Variants in DRC1 observed in about 807,000 individuals in gnomAD.
DRC1 encodes the protein dynein regulatory complex subunit 1.
In DRC1, 74 loss-of-function variants were observed where a neutral mutation model predicts 98.7. The ratio of observed to expected loss-of-function variants is 0.75; its 90% CI spans 0.62 to 0.91. The LOEUF is 0.91. Among genes scored for constraint, DRC1 ranks in the 40% least tolerant of loss-of-function variants. The probability of loss-of-function intolerance (pLI) is 0.00; values close to 1 mark genes in which losing one functional copy is unlikely to be tolerated. For synonymous variants in DRC1, 336 were observed against 334.1 expected, an observed-to-expected ratio of 1.01 and a Z score of -0.06; for missense variants, 875 against 886.0, an observed-to-expected ratio of 0.99 and a Z score of 0.16.
chr2:26,418,646 AT>A (rs1678920737), intron 2 of DRC1, among the ~76,000 whole-genome samples: 2 of 93,646 alleles, frequency 2.1e-5, no homozygotes, highest in African/African-American at 9.6e-5. Flanking sequence ...AATTTATATA[AT>A]ATATAAATTA....
chr2:26,405,978 T>C (rs550241422), intron 1 of DRC1, among the ~76,000 whole-genome samples: 1 of 152,100 alleles, frequency 6.6e-6, no homozygotes, highest in Non-Finnish European at 1.5e-5. Context: ...TTATTAGTGG[T>C]TGGGGCCGCG....
chr2:26,433,313 G>T (rs946609597), intron 7 of DRC1, among the ~76,000 whole-genome samples: 1 of 152,162 alleles, frequency 6.6e-6, no homozygotes, highest in African/African-American at 2.4e-5. Flanking sequence ...GCTTTTCCAC[G>T]AAGCTTTTGT....
chr2:26,425,281 C>T (rs115152480), intron 4 of DRC1, among the ~76,000 whole-genome samples: 3,590 of 152,278 alleles, frequency 0.024, 138 homozygotes, highest in African/African-American at 0.08. Flanking sequence ...CGTAGTATTT[C>T]ATTGCATATA....
At chr2:26,417,388 G>T (rs991328403) in intron 2 of DRC1, among the ~76,000 whole-genome samples, 4 of 151,532 alleles carry the variant, frequency 2.6e-5, no homozygotes, top group African/African-American at 9.7e-5. Context: ...GGGTGCAGTG[G>T]CACAATCTTG....
intron 13 of DRC1, among the ~76,000 whole-genome samples, chr2:26,451,460 A>G (rs1009965113): frequency 2.0e-5 from 3 of 152,260 alleles, no homozygotes; most frequent in Admixed American, 6.5e-5. Context: ...AAAAATGTGA[A>G]TGAAAAATGT....
intron 11 of DRC1, 104 bp from the exon 12 acceptor site, chr2:26,449,892 C>A (rs879076806): frequency 1.9e-6 from 2 of 1,029,546 alleles, no homozygotes; most frequent in South Asian, 3.0e-5. Flanking sequence ...GGCGTCTGCT[C>A]CGTGGCATGG....
At position 26,454,935 on chromosome 2, in the gene DRC1, G is replaced by A; in HGVS notation, c.2063+145G>A. 6.9e-7 allele frequency: 1 copy of A among 1,442,276 alleles called. No individual in the cohort carries two copies. The highest frequency in any genetic ancestry group is 9.5e-7 in the Non-Finnish European group (1 of 1,048,996). The allele number at this position is 1,442,276 out of a possible 1,614,324, so 89.3% of individuals were successfully genotyped here. Reference sequence around the variant, plus strand: ...GGCATCTCCTGTGTGGGTGGATCATGTGGGGCAGTTGGCTCTTGGGCCCTG... The same window carrying A: ...GGCATCTCCTGTGTGGGTGGATCATATGGGGCAGTTGGCTCTTGGGCCCTG... On this transcript the variant is annotated intron_variant, in intron 15 of 16. Transcript: ENST00000288710. The surrounding 1 kb of genome is among the most constrained non-coding windows in gnomAD (Gnocchi z 5.2).
chr2:26,456,401 G>T, intron 16 of DRC1, 60 bp from the exon 17 acceptor site: 1 of 1,609,068 alleles, frequency 6.2e-7, no homozygotes, highest in South Asian at 1.1e-5. Context: ...TGGCTCGCAA[G>T]GGTGGCAAAG....
chr2:26,424,716 C>T (rs944590783), intron 4 of DRC1, among the ~76,000 whole-genome samples: 1 of 152,114 alleles, frequency 6.6e-6, no homozygotes, highest in African/African-American at 2.4e-5. Flanking sequence ...TTCTGGGAGG[C>T]CGAGGCAGGC....
chr2:26,420,266 G>A (rs1384577130), intron 2 of DRC1, among the ~76,000 whole-genome samples: 1 of 152,154 alleles, frequency 6.6e-6, no homozygotes, highest in Non-Finnish European at 1.5e-5. Context: ...GTGCAAGGGA[G>A]GCTGGGAAAG....
rs1664089373 is a variant in DRC1, at chr2:26,454,538, C to T, written c.1920-109C>T. 2.0e-6 allele frequency: 3 copies of T among 1,485,286 alleles called. No individual in the cohort carries two copies. In the Admixed American group the frequency reaches 5.8e-5, roughly 29 times the overall value. 92.0% of individuals were successfully genotyped at this position (1,485,286 alleles called of 1,614,324 possible). On this transcript the variant is annotated intron_variant, in intron 14 of 16. Coordinates refer to ENST00000288710, the MANE Select transcript of DRC1 (RefSeq NM_145038.5). This position sits in a 1 kb window ranked among gnomAD's most constrained non-coding sequence, Gnocchi z 5.2. Reference sequence around the variant, plus strand: ...GCCACCGTCTAATAAACTTGGACTGCTGAGTGGGAAGGTGACAGGTGGGAA... The same window carrying T: ...GCCACCGTCTAATAAACTTGGACTGTTGAGTGGGAAGGTGACAGGTGGGAA...
At chr2:26,448,872 C>T in intron 11 of DRC1, 69 bp downstream of exon 11, 1 of 1,496,606 alleles carries the variant, frequency 6.7e-7, no homozygotes, top group Non-Finnish European at 9.3e-7. Context: ...CTCTGCTGGG[C>T]CAGTGCTAGC....
chr2:26,444,284 A>G lies in DRC1; in HGVS notation c.1091A>G (p.Glu364Gly). 1 of 1,614,196 alleles carries G rather than the reference A, an allele frequency of 6.2e-7. No homozygotes were observed. The highest frequency in any genetic ancestry group is 1.1e-5 in the South Asian group (1 of 91,084). Residue 364 changes from glutamate (E) to glycine (G), a missense_variant, in exon 9 of 17, where the codon GAG (glutamate) becomes GGG (glycine). Coordinates refer to ENST00000288710, the MANE Select transcript of DRC1 (RefSeq NM_145038.5). ...GCCAAGCAAATAAAGCAGTTTCAGG[A>G]GGAGAACCAGTCTCTAACCTCGGAC... The part of the protein sequence containing the change: ...KYAKQIKQFQ[E>G]ENQSLTSDYK...
At chr2:26,403,439 C>CT (rs35817644) in intron 1 of DRC1, among the ~76,000 whole-genome samples, 4 of 152,232 alleles carry the variant, frequency 2.6e-5, no homozygotes, top group Admixed American at 1.3e-4. Context: ...TCATCCTAGT[C>CT]TTTTTTTAAC....
In DRC1 at chr2:26,454,671, A is replaced by G. The variant is rs774615084; in HGVS notation, c.1944A>G (p.Val648=). The stretch of plus-strand genomic sequence containing the variant: ...GGGACTCGCGGGCCCCGCTGAGGGT[A>G]CAGAAGAATGTGCGTGACAACTCCA... ...KPRDSRAPLR[V]QKNVRDNSKD... Residue 648 remains valine, a synonymous_variant, in exon 15 of 17, where the codon GTA becomes GTG. Transcript: ENST00000288710. The surrounding 1 kb of genome is among the most constrained non-coding windows in gnomAD (Gnocchi z 5.2). The G allele has an allele frequency of 2.5e-5, 40 of 1,613,906 alleles. No individual in the cohort carries two copies. The highest frequency in any genetic ancestry group is 3.2e-5 in the Non-Finnish European group (38 of 1,180,010).
chr2:26,430,705 A>G, intron 5 of DRC1, 81 bp from the exon 6 acceptor site: 2 of 1,418,842 alleles, frequency 1.4e-6, no homozygotes, highest in Non-Finnish European at 1.0e-6. Context: ...TGGCACTTAT[A>G]GTTACCTGAA....
At chr2:26,410,941 G>C (rs1014635105) in intron 1 of DRC1, among the ~76,000 whole-genome samples, 1 of 152,246 alleles carries the variant, frequency 6.6e-6, no homozygotes, top group African/African-American at 2.4e-5. Context: ...AGCAACACTG[G>C]AAGGAAGCAG....
chr2:26,456,165 C>G (rs1232174016), intron 16 of DRC1, among the ~76,000 whole-genome samples: 1 of 152,094 alleles, frequency 6.6e-6, no homozygotes, highest in African/African-American at 2.4e-5. Context: ...GTGGGGCAGG[C>G]TAGATTGGGG....
chr2:26,452,449 G>A (rs1208138702), intron 13 of DRC1, among the ~76,000 whole-genome samples: 1 of 152,152 alleles, frequency 6.6e-6, no homozygotes, highest in Non-Finnish European at 1.5e-5. Flanking sequence ...TAGTAGAGAT[G>A]TGGTTTCACC....
Sources: gnomAD v4.1 joint callset for allele counts (sites outside exome capture counted in the v4.1 genomes callset) on GRCh38, gnomAD v4.1.1 for gene constraint, Gnocchi (gnomAD v3.1) non-coding constraint, MANE v1.5 for transcripts, NCBI Gene and HGNC (gene_info 2026-07-23, HGNC 2026-07-21) for gene names.